CT45A10: variants seen among roughly 807,000 people sequenced by gnomAD.
CT45A10 encodes cancer/testis antigen family 45 member A10.
A neutral mutation model predicts 8.3 loss-of-function variants in CT45A10; 19 were observed. The ratio of observed to expected loss-of-function variants is 2.30; its 90% CI spans 1.61 to 3.38. The LOEUF (loss-of-function observed/expected upper bound fraction) is 3.38, where lower values mean the gene tolerates loss of function less well. Ranked by LOEUF, CT45A10 falls within the 30% of genes most tolerant of loss-of-function variation. The pLI is 0.00. For synonymous variants in CT45A10, 28 were observed against 26.5 expected (o/e 1.06, Z -0.17); for missense variants, 149 against 85.9 (o/e 1.73, Z -2.90).
At chrX:135,892,813 G>A (rs782247511) in intron 1 of CT45A10, among the ~76,000 whole-genome samples, 1 of 111,913 alleles carries the variant, frequency 8.9e-6, no homozygotes, top group African/African-American at 3.2e-5. Context: ...GTGCCCCACA[G>A]CCGAGAACAG....
chrX:135,889,537 AT>A (rs1183057470), intron 1 of CT45A10, among the ~76,000 whole-genome samples: 1 of 111,127 alleles, frequency 9.0e-6, no homozygotes, highest in African/African-American at 3.3e-5. Flanking sequence ...TGAAATTTTC[AT>A]TTGAGGGGGT....
At chrX:135,887,924 C>T (rs2088450569) in intron 1 of CT45A10, among the ~76,000 whole-genome samples, 1 of 107,537 alleles carries the variant, frequency 9.3e-6, no homozygotes, top group African/African-American at 3.3e-5. Context: ...TTCTGGACTC[C>T]CATTCCCACA....
At chrX:135,883,374 G>C (rs2088411168) in intron 2 of CT45A10, 118 bp from the exon 3 acceptor site, 3 of 1,157,218 alleles carry the variant, frequency 2.6e-6, no homozygotes, top group Middle Eastern at 3.4e-4. Flanking sequence ...TGAGCTGTGA[G>C]ATACGTGTGT....
In CT45A10 at chrX:135,883,020, A is replaced by G; in HGVS notation, c.406T>C (p.Cys136Arg). The change falls in exon 3 of 5, where the codon TGC becomes CGC. Residue 136 changes from cysteine (C) to arginine (R), a missense_variant. Coordinates refer to ENST00000682849, the MANE Select transcript of CT45A10 (RefSeq NM_001291529.2). Reference sequence around the variant, plus strand: ...TTACACTACTTACTTCGTCCAAGGCATCGGATTTCCTTCACTACTTGACAT... The same window carrying G: ...TTACACTACTTACTTCGTCCAAGGCGTCGGATTTCCTTCACTACTTGACAT... ...IKCQVVKEIR[C>R]LGRKYEKIFE... 2.5e-6 allele frequency: 3 copies of G among 1,198,427 alleles called. 1 individual carries two copies. The highest frequency in any genetic ancestry group is 3.4e-6 in the Non-Finnish European group (3 of 885,611).
At chrX:135,889,421 G>C (rs1225294855) in intron 1 of CT45A10, among the ~76,000 whole-genome samples, 4 of 107,656 alleles carry the variant, frequency 3.7e-5, no homozygotes, top group African/African-American at 1.0e-4. Context: ...GGAGGTAGCA[G>C]TGAGCCAAGA....
intron 1 of CT45A10, among the ~76,000 whole-genome samples, chrX:135,891,109 C>G (rs1377779772): frequency 3.6e-5 from 4 of 111,167 alleles, no homozygotes; most frequent in Non-Finnish European, 7.5e-5. Flanking sequence ...TTACCCCATC[C>G]CACTGCAGAA....
At chrX:135,891,325 A>T (rs1556589957) in intron 1 of CT45A10, among the ~76,000 whole-genome samples, 2 of 108,682 alleles carry the variant, frequency 1.8e-5, no homozygotes, top group East Asian at 5.6e-4. Context: ...ATATATGTAG[A>T]TTACATATTA....
intron 4 of CT45A10, 49 bp downstream of exon 4, chrX:135,882,487 A>T (rs1174564941): frequency 2.6e-6 from 2 of 760,705 alleles, no homozygotes; most frequent in East Asian, 7.2e-5. Flanking sequence ...CCAGTACTCT[A>T]TTGAGCCCAA....
intron 2 of CT45A10, among the ~76,000 whole-genome samples, chrX:135,883,488 C>T (rs2088412564): frequency 9.1e-6 from 1 of 110,078 alleles, no homozygotes; most frequent in African/African-American, 3.3e-5. Flanking sequence ...GCCTGACAAA[C>T]GGAGGCCAGG....
At chrX:135,883,768 T>C (rs1342575555) in intron 2 of CT45A10, among the ~76,000 whole-genome samples, 1 of 66,557 alleles carries the variant, frequency 1.5e-5, no homozygotes, top group Non-Finnish European at 2.9e-5. Flanking sequence ...TCAAACACAT[T>C]CTGAGAAAAT....
In CT45A10 at chrX:135,883,164, G is replaced by C; in HGVS notation, c.262C>G (p.Pro88Ala). 2.5e-6 allele frequency: 3 copies of C among 1,198,560 alleles called. No homozygotes were observed. Among genetic ancestry groups the C allele is most frequent in the Admixed American group, 2.2e-5 (1 of 45,755 alleles). The change falls in exon 3 of 5, where the codon CCT becomes GCT. Residue 88 changes from proline (P) to alanine (A), a missense_variant. Pro to Ala is a conservative substitution (Grantham distance 27). Transcript: ENST00000682849. Reference sequence around the variant, plus strand: ...CCTCCCACAGGTGCATTGCTACCAGGTTTCTGCATCATCCCATCTTTGCTG... The same window carrying C: ...CCTCCCACAGGTGCATTGCTACCAGCTTTCTGCATCATCCCATCTTTGCTG... ...GFSKDGMMQKPGSNAPVGGNV... is the reference protein window; with the variant it reads ...GFSKDGMMQKAGSNAPVGGNV...
intron 4 of CT45A10, among the ~76,000 whole-genome samples, 181 bp from the exon 5 acceptor site, chrX:135,881,496 C>A (rs1220453934): frequency 3.2e-4 from 13 of 40,332 alleles, no homozygotes; most frequent in African/African-American, 1.4e-3. Flanking sequence ...AAAAGGGAAC[C>A]CTCATACACT....
At chrX:135,892,726 G>A (rs1328194160) in intron 1 of CT45A10, among the ~76,000 whole-genome samples, 3 of 112,056 alleles carry the variant, frequency 2.7e-5, no homozygotes, top group South Asian at 3.7e-4. Context: ...TCTGGTAAGC[G>A]TCCCCATCAG....
chrX:135,889,594 T>C (rs2088479483), intron 1 of CT45A10, among the ~76,000 whole-genome samples: 1 of 111,683 alleles, frequency 9.0e-6, no homozygotes, highest in Non-Finnish European at 1.9e-5. Context: ...CTCACGCCTG[T>C]AATGTCAGCA....
Position 135,882,556 on chromosome X carries a change from G to A in CT45A10, c.492C>T (p.Ser164=). The change falls in exon 4 of 5, where the codon TCC becomes TCT. Residue 164 remains serine, a synonymous_variant. Coordinates refer to ENST00000682849, the MANE Select transcript of CT45A10 (RefSeq NM_001291529.2). ...CCCACCTTGCTGCTTCCTTGATGAT[G>A]GATTCAAAAAATCGTTTCCTGACTG... ...PTAVRKRFFE[S]IIKEAARCMR... is the part of the protein sequence containing the mutation. The A allele has an allele frequency of 2.7e-6, 3 of 1,131,461 alleles. No homozygotes were observed. Among genetic ancestry groups the A allele is most frequent in the Non-Finnish European group, 3.5e-6 (3 of 849,456 alleles). The allele number at this position is 1,131,461 out of a possible 1,213,427, so 93.2% of individuals were successfully genotyped here.
chrX:135,889,856 T>C (rs782665007), intron 1 of CT45A10, among the ~76,000 whole-genome samples: 2 of 106,422 alleles, frequency 1.9e-5, no homozygotes, highest in African/African-American at 6.9e-5. Context: ...GTAAAATAAA[T>C]AGCCAGACAA....
intron 1 of CT45A10, among the ~76,000 whole-genome samples, chrX:135,892,924 C>T (rs782204289): frequency 2.7e-5 from 3 of 110,510 alleles, no homozygotes; most frequent in South Asian, 4.0e-4. Flanking sequence ...ACCACCACCC[C>T]GGCCCTTGAA....
chrX:135,883,352 A>C, intron 2 of CT45A10, 96 bp from the exon 3 acceptor site: 5 of 1,183,124 alleles, frequency 4.2e-6, no homozygotes, highest in South Asian at 3.7e-5. Context: ...TCTGGAAATC[A>C]AACTGAGAAG....
chrX:135,882,594 G>T lies in CT45A10; in HGVS notation c.454C>A (p.Gln152Lys). The T allele has an allele frequency of 8.6e-7, 1 of 1,160,600 alleles. No homozygotes were observed. The highest frequency in any genetic ancestry group is 1.1e-6 in the Non-Finnish European group (1 of 870,304). ...CGTTTCCTGACTGCAGTAGGTCCTT[G>T]CACTCCTTCAAGCATTTCGAAGATT... is the stretch of plus-strand genomic sequence containing the variant. ...EKIFEMLEGV[Q>K]GPTAVRKRFF... The change falls in exon 4 of 5, where the codon CAA (glutamine) becomes AAA (lysine). Residue 152 changes from glutamine (Q) to lysine (K), a missense_variant. Transcript: ENST00000682849.
Sources: allele counts gnomAD v4.1 joint callset (sites outside exome capture counted in the v4.1 genomes callset), GRCh38; gene constraint gnomAD v4.1.1; transcripts MANE v1.5; gene names NCBI Gene and HGNC (gene_info 2026-07-23, HGNC 2026-07-21).